The following LINC00305 variants were observed in gnomAD, a reference collection of about 807,000 sequenced individuals.
The protein encoded by LINC00305 is long independently transcribed non-coding RNA 305.
chr18:64,144,800 A>C (rs1409211944), intron 1 of LINC00305, among the ~76,000 whole-genome samples: 1 of 152,220 alleles, frequency 6.6e-6, no homozygotes, highest in Non-Finnish European at 1.5e-5. Context: ...ACGAGCCAGC[A>C]GCGCGGGATG....
chr18:64,097,929 G>C, exon 3 of LINC00305: 1 of 458,030 alleles, frequency 2.2e-6, no homozygotes, highest in Non-Finnish European at 4.4e-6. Flanking sequence ...TGATAAACCA[G>C]AAGGCTGCTG....
intron 1 of LINC00305, among the ~76,000 whole-genome samples, chr18:64,140,103 AT>A (rs2051454411): frequency 6.6e-6 from 1 of 151,908 alleles, no homozygotes; most frequent in Non-Finnish European, 1.5e-5. Context: ...CCTTTTCCCA[AT>A]TCCCACTTTC....
At chr18:64,111,709 T>C (rs1228199307) in intron 1 of LINC00305, among the ~76,000 whole-genome samples, 1 of 152,132 alleles carries the variant, frequency 6.6e-6, no homozygotes, top group Non-Finnish European at 1.5e-5. Context: ...GGGTCCCTGC[T>C]CTCTCTGGAT....
At chr18:64,098,578 A>G (rs2051256053) in exon 2 of LINC00305, 3 of 448,812 alleles carry the variant, frequency 6.7e-6, no homozygotes, top group Non-Finnish European at 1.3e-5. Flanking sequence ...GTTACTCACC[A>G]TGTATAATGC....
At chr18:64,125,893 G>C (rs144490445) in intron 1 of LINC00305, among the ~76,000 whole-genome samples, 1 of 152,062 alleles carries the variant, frequency 6.6e-6, no homozygotes, top group Non-Finnish European at 1.5e-5. Flanking sequence ...TCTTTTCTCT[G>C]TCTCACTCTC....
intron 1 of LINC00305, among the ~76,000 whole-genome samples, chr18:64,122,552 T>C (rs2051366706): frequency 6.6e-6 from 1 of 152,154 alleles, no homozygotes; most frequent in Non-Finnish European, 1.5e-5. Context: ...ATGTGTCTAT[T>C]TTTATACCAG....
At chr18:64,099,001 G>C in intron 1 of LINC00305, among the ~76,000 whole-genome samples, 1 of 152,304 alleles carries the variant, frequency 6.6e-6, no homozygotes, top group East Asian at 1.9e-4. Context: ...GGAAAGTGGG[G>C]TGTTTGAGCA....
At chr18:64,093,920 GT>G (rs66622834) in intron 3 of LINC00305, among the ~76,000 whole-genome samples, 21,829 of 151,966 alleles carry the variant, frequency 0.14, 2,123 homozygotes, top group African/African-American at 0.28. Context: ...AGAACTTACA[GT>G]TTAATTGGAA....
intron 3 of LINC00305, among the ~76,000 whole-genome samples, chr18:64,082,631 C>A (rs1410886547): frequency 4.6e-5 from 7 of 152,174 alleles, no homozygotes; most frequent in Non-Finnish European, 8.8e-5. Flanking sequence ...GGCTTGCTGA[C>A]AGTGTGAATT....
chr18:64,112,477 G>T (rs1475607943), intron 1 of LINC00305, among the ~76,000 whole-genome samples: 1 of 152,050 alleles, frequency 6.6e-6, no homozygotes, highest in Non-Finnish European at 1.5e-5. Context: ...TTTAAGATTA[G>T]CATATGCATT....
intron 1 of LINC00305, among the ~76,000 whole-genome samples, chr18:64,140,569 A>G (rs1297545674): frequency 6.6e-6 from 1 of 152,030 alleles, no homozygotes; most frequent in Non-Finnish European, 1.5e-5. Context: ...TTTCCTCTCC[A>G]TCTCCCCAAC....
intron 3 of LINC00305, among the ~76,000 whole-genome samples, chr18:64,094,201 A>G (rs1468416868): frequency 1.3e-5 from 2 of 152,218 alleles, no homozygotes; most frequent in East Asian, 1.9e-4. Flanking sequence ...TAGGGAAAAG[A>G]GTCAATCATC....
chr18:64,082,730 C>T lies in LINC00305; in HGVS notation n.541-2328G>A, dbSNP rs916279829. Among the ~76,000 whole-genome samples, 6 of 152,168 alleles carry T rather than the reference C, an allele frequency of 3.9e-5. No homozygotes were observed. In the East Asian group the frequency reaches 1.2e-3, roughly 29 times the overall value. The stretch of plus-strand genomic sequence containing the variant: ...TATATTATCTTGTTTCTTTAATGCT[C>T]TGTTTTTTTAGTTTCTCAACACAGT... On this transcript the variant is annotated intron_variant and non_coding_transcript_variant, in intron 3 of 3. Transcript: ENST00000666468.
At chr18:64,107,348 G>A (rs561729678) in intron 1 of LINC00305, among the ~76,000 whole-genome samples, 2 of 152,330 alleles carry the variant, frequency 1.3e-5, no homozygotes, top group South Asian at 2.1e-4. Context: ...GAAGGAGTAA[G>A]GGGGAGGACT....
chr18:64,101,194 C>A (rs2051266686), intron 1 of LINC00305, among the ~76,000 whole-genome samples: 1 of 152,114 alleles, frequency 6.6e-6, no homozygotes, highest in African/African-American at 2.4e-5. Context: ...GCTGTATTTT[C>A]AGAATGAAAT....
intron 1 of LINC00305, among the ~76,000 whole-genome samples, chr18:64,148,501 C>T (rs1011627665): frequency 6.6e-6 from 1 of 151,972 alleles, no homozygotes; most frequent in Non-Finnish European, 1.5e-5. Flanking sequence ...TTAATGATGT[C>T]TAATGAGGCC....
At chr18:64,097,818 G>A (rs75049510) in intron 3 of LINC00305, 4,988 of 447,200 alleles carry the variant, frequency 0.011, 137 homozygotes, top group East Asian at 0.089. Flanking sequence ...TTTGTTTCAT[G>A]AAATATTGAA....
intron 1 of LINC00305, among the ~76,000 whole-genome samples, chr18:64,117,700 G>C (rs931194563): frequency 1.3e-5 from 2 of 152,174 alleles, no homozygotes; most frequent in Admixed American, 1.3e-4. Flanking sequence ...TCACTCAAGT[G>C]CATGTAACGG....
At chr18:64,111,203 C>A (rs1004872578) in intron 1 of LINC00305, among the ~76,000 whole-genome samples, 5 of 152,136 alleles carry the variant, frequency 3.3e-5, no homozygotes, top group African/African-American at 1.2e-4. Context: ...TGTGACATAC[C>A]ATGTTTTTCC....
Sources: allele counts gnomAD v4.1 joint callset (sites outside exome capture counted in the v4.1 genomes callset), GRCh38; gene constraint gnomAD v4.1.1; transcripts MANE v1.5; gene names NCBI Gene and HGNC (gene_info 2026-07-23, HGNC 2026-07-21).